ZFP64: variants seen among roughly 807,000 people sequenced by gnomAD.
ZFP64 encodes the protein ZFP64 zinc finger protein.
A neutral mutation model predicts 51.6 loss-of-function variants in ZFP64; 14 were observed. The ratio of observed to expected loss-of-function variants is 0.27; its 90% confidence interval spans 0.18 to 0.42. ZFP64 has a LOEUF of 0.42. Ranked by LOEUF, ZFP64 falls within the 10% of genes least tolerant of loss-of-function variation. The pLI, the probability that ZFP64 is intolerant of heterozygous loss-of-function variation, is 1.00. For missense variants in ZFP64, 754 were observed against 906.8 expected (o/e 0.83, Z 2.16); for synonymous variants, 375 against 361.4 (o/e 1.04, Z -0.43).
At chr20:52,155,997 C>T (rs1259186825) in intron 5 of ZFP64, among the ~76,000 whole-genome samples, 2 of 152,168 alleles carry the variant, frequency 1.3e-5, no homozygotes, top group African/African-American at 4.8e-5. Context: ...ATAAATGGCA[C>T]ACACTGAAAT....
intron 7 of ZFP64, among the ~76,000 whole-genome samples, chr20:52,095,804 G>A (rs2078982389): frequency 6.6e-6 from 1 of 152,282 alleles, no homozygotes; most frequent in Middle Eastern, 3.4e-3. Context: ...TCTTGTGAAG[G>A]TTGTGTTGTG....
chr20:52,126,527 G>A (rs946713967), intron 5 of ZFP64, among the ~76,000 whole-genome samples: 1 of 152,132 alleles, frequency 6.6e-6, no homozygotes, highest in South Asian at 2.1e-4. Flanking sequence ...CACCAGACTA[G>A]GTTGAAAGAT....
Position 52,102,107 on chromosome 20 carries a change from C to CCAAAAAA in ZFP64, c.764-3521_764-3520insTTTTTTG, listed in dbSNP as rs551838560. ...AGCCTGGTGAGAGTAACTCCATCTC[C>CCAAAAAA]AAAAAAAAAAAAAAAAAAGGCAGCA... On this transcript the variant is annotated intron_variant, in intron 5 of 8. Transcript: ENST00000361387. Among the ~76,000 whole-genome samples, 120 of 63,408 alleles carry CCAAAAAA rather than the reference C, an allele frequency of 1.9e-3. 1 individual carries two copies. The highest frequency in any genetic ancestry group is 7.7e-3 in the African/African-American group (114 of 14,712). The allele number at this position is 63,408 out of a possible 152,430, so 41.6% of individuals were successfully genotyped here.
At chr20:52,119,644 A>G (rs2122846140) in intron 5 of ZFP64, among the ~76,000 whole-genome samples, 1 of 150,094 alleles carries the variant, frequency 6.7e-6, no homozygotes, top group African/African-American at 2.5e-5. Context: ...GTGCACCTGT[A>G]GTCCCAGCTA....
intron 5 of ZFP64, among the ~76,000 whole-genome samples, chr20:52,102,282 G>A (rs1433099355): frequency 6.6e-6 from 1 of 152,024 alleles, no homozygotes; most frequent in Non-Finnish European, 1.5e-5. Flanking sequence ...TGCCTAGAAG[G>A]CTACTTAAAA....
intron 5 of ZFP64, among the ~76,000 whole-genome samples, chr20:52,137,004 A>T (rs1281586052): frequency 6.6e-6 from 1 of 152,142 alleles, no homozygotes; most frequent in Non-Finnish European, 1.5e-5. Context: ...ACCTCAGGTG[A>T]TCCACCCACC....
intron 5 of ZFP64, among the ~76,000 whole-genome samples, chr20:52,139,420 T>TG (rs1195144980): frequency 6.6e-6 from 1 of 152,120 alleles, no homozygotes; most frequent in Non-Finnish European, 1.5e-5. Context: ...GAACACCACA[T>TG]GTTCTCACTT....
chr20:52,122,367 G>A (rs1303110820), intron 5 of ZFP64, among the ~76,000 whole-genome samples: 1 of 152,020 alleles, frequency 6.6e-6, no homozygotes, highest in Non-Finnish European at 1.5e-5. Context: ...TTAGCCGGGT[G>A]TGGTGGCCGG....
At position 52,172,184 on chromosome 20, in the gene ZFP64, G is replaced by A. The variant is rs149581778; in HGVS notation, c.287-6159C>T. ...ATGCTGCAGTCACCACTCATTGCCA[G>A]GGGTGTGTGTGTGTGTGTTGGTGTG... is the stretch of plus-strand genomic sequence containing the variant. On this transcript the variant is annotated intron_variant, in intron 2 of 5. Transcript: ENST00000216923. Among the ~76,000 whole-genome samples, 3 of 151,908 alleles carry A rather than the reference G, an allele frequency of 2.0e-5. No homozygotes were observed. In the East Asian group the frequency reaches 5.8e-4, roughly 29 times the overall value.
At position 52,160,247 on chromosome 20, in the gene ZFP64, G is replaced by A. The variant is rs763535866; in HGVS notation, c.639C>T (p.Ala213=). 8.6e-5 allele frequency: 138 copies of A among 1,613,990 alleles called. No individual in the cohort carries two copies. Among genetic ancestry groups the A allele is most frequent in the Non-Finnish European group, 8.8e-5 (104 of 1,180,040 alleles). ...YKCKTCDYAA[A]DSSSLNKHLR... ...GGTGCTTGTTGAGGCTGCTGCTGTC[G>A]GCAGCGGCGTAGTCACACGTCTTAC... is the stretch of plus-strand genomic sequence containing the variant. Residue 213 remains alanine, a synonymous_variant, in exon 5 of 6, where the codon GCC becomes GCT. Coordinates refer to ENST00000216923, the MANE Select transcript of ZFP64 (RefSeq NM_018197.3). The surrounding 1 kb of genome is among the most constrained non-coding windows in gnomAD (Gnocchi z 4.2).
In ZFP64 at chr20:52,153,231, C is replaced by T. The variant is rs111642880; in HGVS notation, c.961G>A (p.Asp321Asn). The T allele has an allele frequency of 1.9e-6, 3 of 1,614,210 alleles. No homozygotes were observed. Among genetic ancestry groups the T allele is most frequent in the Admixed American group, 1.7e-5 (1 of 60,030 alleles). Residue 321 changes from aspartate to asparagine, a missense_variant, in exon 6 of 6, where the codon GAC becomes AAC. Asp to Asn is a conservative substitution (Grantham distance 23). This residue lies in a region of ZFP64 where 231 missense variants were observed against 336.7 expected (regional missense o/e 0.69). Transcript: ENST00000216923. This position sits in a 1 kb window ranked among gnomAD's most constrained non-coding sequence, Gnocchi z 5.1. ...SGNNFKCPHC[D>N]FLGDSKATLR... is the part of the protein sequence containing the mutation. ...GTGGCTTTGCTGTCACCCAGGAAGT[C>T]GCAATGAGGACACTTGAAGTTATTC...
At chr20:52,139,232 C>T (rs1600742980) in intron 5 of ZFP64, among the ~76,000 whole-genome samples, 1 of 152,138 alleles carries the variant, frequency 6.6e-6, no homozygotes, top group Non-Finnish European at 1.5e-5. Context: ...GCACTATTCA[C>T]GATAGCAACA....
intron 5 of ZFP64, among the ~76,000 whole-genome samples, chr20:52,140,116 TTC>T (rs1328736707): frequency 2.0e-5 from 3 of 152,150 alleles, no homozygotes; most frequent in African/African-American, 7.2e-5. Flanking sequence ...GTAGTGTGTG[TTC>T]TGACTGCTCC....
At chr20:52,172,105 A>ATG (rs971255642) in intron 2 of ZFP64, among the ~76,000 whole-genome samples, 8 of 151,612 alleles carry the variant, frequency 5.3e-5, no homozygotes, top group African/African-American at 9.7e-5. Flanking sequence ...AGGTGAGTGT[A>ATG]TGTGTGTGTG....
At chr20:52,145,714 G>T (rs989952992) in intron 5 of ZFP64, among the ~76,000 whole-genome samples, 1 of 152,080 alleles carries the variant, frequency 6.6e-6, no homozygotes, top group Non-Finnish European at 1.5e-5. Flanking sequence ...ACCTGTTTAG[G>T]ACACTTATCA....
chr20:52,180,857 T>G (rs1393888492), intron 2 of ZFP64, among the ~76,000 whole-genome samples: 1 of 152,206 alleles, frequency 6.6e-6, no homozygotes, highest in African/African-American at 2.4e-5. Context: ...ACAGCCAGGA[T>G]ATGAACCCAA....
intron 5 of ZFP64, among the ~76,000 whole-genome samples, chr20:52,112,625 T>TTTTC (rs1555881122): frequency 2.5e-4 from 38 of 150,132 alleles, no homozygotes; most frequent in Non-Finnish European, 3.6e-4. Context: ...TTTTTTTTTT[T>TTTTC]CTTTGTTGGG....
chr20:52,128,734 T>G lies in ZFP64; in HGVS notation c.764-30147A>C, dbSNP rs560939677. ...GCTTCTGAGCTTGGTCTTCCGTCAG[T>G]AACAAGGGCTGATTTCCACCTGGTC... On this transcript the variant is annotated intron_variant, in intron 5 of 8. Coordinates refer to the ZFP64 transcript ENST00000361387. Among the ~76,000 whole-genome samples the G allele has an allele frequency of 7.2e-5, 11 of 152,144 alleles. No individual in the cohort carries two copies. The South Asian group carries it at 1.5e-3, about 20-fold the overall frequency.
chr20:52,097,752 G>T (rs941814261), intron 6 of ZFP64, among the ~76,000 whole-genome samples: 1 of 152,128 alleles, frequency 6.6e-6, no homozygotes, highest in African/African-American at 2.4e-5. Flanking sequence ...GAGCCACCAT[G>T]CCTGGCCTGA....
Sources: allele counts gnomAD v4.1 joint callset (sites outside exome capture counted in the v4.1 genomes callset), GRCh38; gene constraint gnomAD v4.1.1; regional missense constraint gnomAD v4.1.1; non-coding constraint Gnocchi (gnomAD v3.1); transcripts MANE v1.5; gene names NCBI Gene and HGNC (gene_info 2026-07-23, HGNC 2026-07-21).